Variants in OR6N1 observed in about 807,000 individuals in gnomAD.
The protein encoded by OR6N1 is olfactory receptor 6N1.
For synonymous variants in OR6N1, 170 were observed against 150.7 expected (o/e 1.13, Z -0.94); for missense variants, 394 against 371.7 (o/e 1.06, Z -0.49).
At chr1:158,802,200 T>C in the OR6N1 span, among the ~76,000 whole-genome samples, 1 of 46,964 alleles carries the variant, frequency 2.1e-5, no homozygotes, top group Admixed American at 2.0e-4. Context: ...CTCATAGCAC[T>C]TTTTTTTTTT....
chr1:158,800,491 C>T, the OR6N1 span, among the ~76,000 whole-genome samples: 1 of 152,142 alleles, frequency 6.6e-6, no homozygotes, highest in Admixed American at 6.5e-5. Context: ...GCTGGATGCT[C>T]AGAGAAAATT....
chr1:158,821,832 T>C, the OR6N1 span, among the ~76,000 whole-genome samples: 1 of 152,214 alleles, frequency 6.6e-6, no homozygotes, highest in Admixed American at 6.5e-5. Flanking sequence ...TGAGTATTTT[T>C]AGTTTTCTAA....
the OR6N1 span, among the ~76,000 whole-genome samples, chr1:158,822,711 GC>G: frequency 6.6e-6 from 1 of 152,114 alleles, no homozygotes; most frequent in African/African-American, 2.4e-5. Flanking sequence ...AGTTTCTCTT[GC>G]CCGATTGTTC....
rs143504576 is a variant in OR6N1, at chr1:158,766,423, C to T, written c.260G>A (p.Ser87Asn). 3.1e-6 allele frequency: 5 copies of T among 1,613,990 alleles called. No homozygotes were observed. The highest frequency in any genetic ancestry group is 4.2e-6 in the Non-Finnish European group (5 of 1,180,012). Residue 87 changes from serine (S) to asparagine (N), a missense_variant, in exon 2 of 2, where the codon AGT becomes AAT. Transcript: ENST00000641846. ...TIPKMLANLL[S>N]EKKTISFSGC... ...AGAGAATGAAATGGTCTTTTTCTCA[C>T]TGAGCAAGTTTGCCAGCATCTTAGG...
chr1:158,765,048 AG>A lies in OR6N1; in HGVS notation c.*695del, dbSNP rs1657207941. ...TCTAAGACCCAGAGTAATGATGTGA[AG>A]TCTTCGCAGAATAAAATAAATAAAA... On this transcript the variant is annotated 3_prime_UTR_variant, in exon 2 of 2. Transcript: ENST00000641846. 1 of 152,122 alleles carries A rather than the reference AG, an allele frequency of 6.6e-6. No homozygotes were observed. The highest frequency in any genetic ancestry group is 1.9e-4 in the East Asian group (1 of 5,202). 9.4% of individuals were successfully genotyped at this position (152,122 alleles called of 1,614,324 possible).
chr1:158,817,631 G>A, the OR6N1 span, among the ~76,000 whole-genome samples: 1,945 of 152,272 alleles, frequency 0.013, 40 homozygotes, highest in African/African-American at 0.043. Flanking sequence ...TACAGCAATT[G>A]TTGAAGTAAT....
At chr1:158,811,372 G>A in the OR6N1 span, among the ~76,000 whole-genome samples, 8 of 151,582 alleles carry the variant, frequency 5.3e-5, no homozygotes, top group South Asian at 8.3e-4. Flanking sequence ...TCTATTTGCC[G>A]AGCAGTGTTC....
At chr1:158,838,922 A>T in the OR6N1 span, among the ~76,000 whole-genome samples, 6 of 151,632 alleles carry the variant, frequency 4.0e-5, no homozygotes, top group South Asian at 2.1e-4. Context: ...AATTTATGGA[A>T]TTTTTTCTGG....
the OR6N1 span, among the ~76,000 whole-genome samples, chr1:158,786,561 C>T: frequency 1.3e-5 from 2 of 152,126 alleles, no homozygotes; most frequent in African/African-American, 4.8e-5. Flanking sequence ...TGTAGCAGCA[C>T]GATTTGCAAT....
chr1:158,826,011 A>T, the OR6N1 span, among the ~76,000 whole-genome samples: 1 of 152,174 alleles, frequency 6.6e-6, no homozygotes, highest in South Asian at 2.1e-4. Flanking sequence ...ATTCTAAGCA[A>T]ACTGACACAG....
chr1:158,768,683 C>G (rs1657339539), intron 1 of OR6N1, among the ~76,000 whole-genome samples: 1 of 152,176 alleles, frequency 6.6e-6, no homozygotes, highest in Non-Finnish European at 1.5e-5. Flanking sequence ...GTAGCTCTTT[C>G]CTTGTTCTAG....
the OR6N1 span, among the ~76,000 whole-genome samples, chr1:158,801,239 C>T: frequency 6.6e-6 from 1 of 151,142 alleles, no homozygotes; most frequent in Non-Finnish European, 1.5e-5. Flanking sequence ...GTGGGGGTGG[C>T]GGTGGGGAGA....
At chr1:158,786,744 G>A in the OR6N1 span, among the ~76,000 whole-genome samples, 1 of 152,180 alleles carries the variant, frequency 6.6e-6, no homozygotes, top group African/African-American at 2.4e-5. Flanking sequence ...ACTTGGGAAT[G>A]GAAAACTAAA....
In OR6N1 at chr1:158,765,803, T is replaced by A; in HGVS notation, c.880A>T (p.Asn294Tyr). ...FLNPFIYSLRNKEIKEAVRRQ... is the reference protein window; with the variant it reads ...FLNPFIYSLRYKEIKEAVRRQ... The stretch of plus-strand genomic sequence containing the variant: ...CTCACAGCCTCCTTGATCTCCTTGT[T>A]GCGCAAGCTGTAGATGAAGGGGTTG... The change falls in exon 2 of 2, where the codon AAC (asparagine) becomes TAC (tyrosine). Residue 294 changes from asparagine to tyrosine, a missense_variant. Asn to Tyr is a moderately radical substitution (Grantham distance 143, BLOSUM62 -2). Transcript: ENST00000641846. The A allele has an allele frequency of 6.2e-7, 1 of 1,614,210 alleles. No individual in the cohort carries two copies. Among genetic ancestry groups the A allele is most frequent in the Non-Finnish European group, 8.5e-7 (1 of 1,180,026 alleles).
chr1:158,768,584 C>T (rs922126515), intron 1 of OR6N1, among the ~76,000 whole-genome samples: 1 of 152,226 alleles, frequency 6.6e-6, no homozygotes, highest in Non-Finnish European at 1.5e-5. Context: ...CATCTCAACA[C>T]ACCAGAGTGA....
At chr1:158,799,823 T>A in the OR6N1 span, among the ~76,000 whole-genome samples, 1 of 152,136 alleles carries the variant, frequency 6.6e-6, no homozygotes. Context: ...TGGACAAGAC[T>A]TGTGAACCTC....
the OR6N1 span, among the ~76,000 whole-genome samples, chr1:158,781,481 A>G: frequency 0.051 from 7,686 of 152,114 alleles, 302 homozygotes; most frequent in Non-Finnish European, 0.083. Flanking sequence ...TGCCACTCCT[A>G]TTCCCTCATC....
the OR6N1 span, among the ~76,000 whole-genome samples, chr1:158,818,551 A>G: frequency 6.6e-6 from 1 of 152,198 alleles, no homozygotes; most frequent in East Asian, 1.9e-4. Flanking sequence ...AAAATATGAA[A>G]GAGCTTGATG....
At chr1:158,775,586 T>G (rs1366657356), upstream of OR6N1, 1 of 152,188 alleles carries the variant, frequency 6.6e-6, no homozygotes, top group African/African-American at 2.4e-5. Flanking sequence ...ACTTTATATT[T>G]TATGTGGAAA....
Sources: allele counts gnomAD v4.1 joint callset (sites outside exome capture counted in the v4.1 genomes callset), GRCh38; gene constraint gnomAD v4.1.1; transcripts MANE v1.5; gene names NCBI Gene and HGNC (gene_info 2026-07-23, HGNC 2026-07-21).